The following RUNX1T1 variants were observed in gnomAD, a reference collection of about 807,000 sequenced individuals.
RUNX1T1 encodes the protein RUNX1 partner transcriptional co-repressor 1, also known as protein CBFA2T1.
RUNX1T1 carries 4 observed loss-of-function variants against 62.8 expected under a neutral mutation model. The ratio of observed to expected loss-of-function variants is 0.06; its 90% CI spans 0.03 to 0.15. The LOEUF (loss-of-function observed/expected upper bound fraction) is 0.15. RUNX1T1 is among the 10% of genes least tolerant of loss of function. The pLI, the probability that RUNX1T1 is intolerant of heterozygous loss-of-function variation, is 1.00. For synonymous variants in RUNX1T1, 291 were observed against 286.0 expected (o/e 1.02, Z -0.18); for missense variants, 508 against 754.3 (o/e 0.67, Z 3.82).
At chr8:92,018,468 C>T (rs1413280053) in intron 1 of RUNX1T1, among the ~76,000 whole-genome samples, 1 of 152,184 alleles carries the variant, frequency 6.6e-6, no homozygotes, top group Non-Finnish European at 1.5e-5. Context: ...TGTGTAGGCA[C>T]GCACATGAAC....
intron 8 of RUNX1T1, among the ~76,000 whole-genome samples, chr8:91,978,755 C>T (rs1196124318): frequency 6.6e-6 from 1 of 152,106 alleles, no homozygotes; most frequent in African/African-American, 2.4e-5. Flanking sequence ...CAAATATTAA[C>T]GTGCCAGGCT....
At chr8:92,097,037 T>C (rs1471370011) in intron 1 of RUNX1T1, among the ~76,000 whole-genome samples, 1 of 151,872 alleles carries the variant, frequency 6.6e-6, no homozygotes, top group African/African-American at 2.4e-5. Context: ...TAAAAGAAAT[T>C]TGATAGGTAA....
upstream of RUNX1T1, among the ~76,000 whole-genome samples, chr8:92,065,263 A>G (rs1309471283): frequency 6.6e-6 from 1 of 152,238 alleles, no homozygotes; most frequent in Non-Finnish European, 1.5e-5. Context: ...AATCAATAAC[A>G]TGATGAATGC....
At chr8:92,011,172 G>A (rs1821845296) in intron 3 of RUNX1T1, 81 bp from the exon 5 acceptor site, 3 of 750,582 alleles carry the variant, frequency 4.0e-6, no homozygotes, top group Admixed American at 2.1e-5. Flanking sequence ...TATTAAGACT[G>A]GTACAACACA....
intron 8 of RUNX1T1, among the ~76,000 whole-genome samples, chr8:91,984,933 A>G (rs1355080099): frequency 6.6e-6 from 1 of 152,208 alleles, no homozygotes; most frequent in Non-Finnish European, 1.5e-5. Flanking sequence ...CTCTTTCATT[A>G]TTTAATACTT....
upstream of RUNX1T1, chr8:92,103,071 A>G: frequency 2.1e-6 from 1 of 486,788 alleles, no homozygotes; most frequent in South Asian, 6.7e-5. Flanking sequence ...GGCGCTGCGC[A>G]GAGAGAGCTG....
intron 6 of RUNX1T1, among the ~76,000 whole-genome samples, chr8:91,988,750 A>T (rs1489434395): frequency 6.6e-6 from 1 of 152,168 alleles, no homozygotes; most frequent in Non-Finnish European, 1.5e-5. Context: ...GTGGGATTTC[A>T]GCATTTGTGA....
intron 10 of RUNX1T1, among the ~76,000 whole-genome samples, chr8:91,964,183 G>A (rs1052830241): frequency 3.9e-5 from 6 of 152,214 alleles, no homozygotes; most frequent in South Asian, 2.1e-4. Flanking sequence ...GAAGGTATTC[G>A]ACACTTTGTT....
intron 5 of RUNX1T1, among the ~76,000 whole-genome samples, chr8:91,993,326 C>A (rs1335029424): frequency 6.6e-6 from 1 of 152,022 alleles, no homozygotes; most frequent in Admixed American, 6.6e-5. Context: ...GTGGGCGCCC[C>A]AGTGACAATT....
intron 1 of RUNX1T1, among the ~76,000 whole-genome samples, chr8:92,094,714 C>T (rs1837529687): frequency 6.6e-6 from 1 of 152,120 alleles, no homozygotes; most frequent in Admixed American, 6.5e-5. Context: ...AACGAAACTC[C>T]TGTTAAATCA....
intron 8 of RUNX1T1, among the ~76,000 whole-genome samples, chr8:91,976,562 C>T (rs766510856): frequency 4.6e-5 from 7 of 152,188 alleles, no homozygotes; most frequent in Non-Finnish European, 7.3e-5. Context: ...GATTCACAGA[C>T]ATTCTGTTGA....
chr8:92,068,036 T>C (rs998213975), intron 2 of RUNX1T1, among the ~76,000 whole-genome samples: 2 of 152,172 alleles, frequency 1.3e-5, no homozygotes, highest in Non-Finnish European at 2.9e-5. Flanking sequence ...GGTTAAATTA[T>C]GTTAAAATTT....
chr8:91,982,109 T>C (rs1330109922), intron 8 of RUNX1T1, among the ~76,000 whole-genome samples: 1 of 150,766 alleles, frequency 6.6e-6, no homozygotes, highest in Admixed American at 6.6e-5. Context: ...TAGCTGGGTG[T>C]GGTGGTGGTC....
intron 2 of RUNX1T1, 37 bp downstream of exon 3, chr8:92,017,189 T>C (rs1389393863): frequency 7.1e-7 from 1 of 1,413,306 alleles, no homozygotes; most frequent in East Asian, 2.3e-5. Flanking sequence ...ATTTAAACTT[T>C]AAAACTGAAA....
intron 2 of RUNX1T1, among the ~76,000 whole-genome samples, chr8:92,073,858 G>T (rs945666260): frequency 6.6e-6 from 1 of 152,000 alleles, no homozygotes. Context: ...CATCACACTC[G>T]CCTGAATTTT....
intron 5 of RUNX1T1, among the ~76,000 whole-genome samples, chr8:91,994,095 A>G (rs1268512963): frequency 6.6e-6 from 1 of 152,230 alleles, no homozygotes; most frequent in Non-Finnish European, 1.5e-5. Context: ...TATTCTGAAT[A>G]GACTGGCCAA....
intron 5 of RUNX1T1, among the ~76,000 whole-genome samples, chr8:92,002,478 C>G (rs1034912908): frequency 2.6e-5 from 4 of 152,016 alleles, no homozygotes; most frequent in African/African-American, 9.7e-5. Context: ...TTGCCAAAAC[C>G]CATCCCTGAA....
chr8:92,060,916 AGTT>A (rs1224180195), intron 1 of RUNX1T1, among the ~76,000 whole-genome samples: 1 of 146,446 alleles, frequency 6.8e-6, no homozygotes, highest in East Asian at 1.9e-4. Context: ...TTTCTAACAC[AGTT>A]GATGAGAGAG....
intron 2 of RUNX1T1, among the ~76,000 whole-genome samples, chr8:92,073,207 A>T (rs1157948942): frequency 6.6e-6 from 1 of 152,150 alleles, no homozygotes; most frequent in African/African-American, 2.4e-5. Flanking sequence ...CTACAATGGC[A>T]GGCATTACAG....
Sources: allele counts gnomAD v4.1 joint callset (sites outside exome capture counted in the v4.1 genomes callset), GRCh38; gene constraint gnomAD v4.1.1; transcripts MANE v1.5; gene names NCBI Gene and HGNC (gene_info 2026-07-23, HGNC 2026-07-21).